ZFPM2: variants seen among roughly 807,000 people sequenced by gnomAD.
ZFPM2 encodes the protein zinc finger protein ZFPM2.
Under a neutral mutation model 98.6 loss-of-function variants are expected in ZFPM2, and 20 were observed. That is an observed-to-expected ratio of 0.20 (90% CI 0.14 to 0.29). ZFPM2 has a LOEUF of 0.29. ZFPM2 is among the 10% of genes least tolerant of loss of function. The pLI, the probability that ZFPM2 is intolerant of heterozygous loss-of-function variation, is 1.00. For synonymous variants in ZFPM2, 518 were observed against 502.7 expected, an observed-to-expected ratio of 1.03 and a Z score of -0.41; for missense variants, 1,310 against 1,388.6, an observed-to-expected ratio of 0.94 and a Z score of 0.90.
intron 4 of ZFPM2, among the ~76,000 whole-genome samples, chr8:105,590,206 A>G (rs1428787803): frequency 1.3e-5 from 2 of 152,124 alleles, no homozygotes; most frequent in Non-Finnish European, 1.5e-5. Context: ...TAAAGGGGCT[A>G]TTTTTATTTC....
intron 5 of ZFPM2, among the ~76,000 whole-genome samples, chr8:105,771,967 C>T (rs1731181842): frequency 1.3e-5 from 2 of 152,048 alleles, no homozygotes; most frequent in Non-Finnish European, 2.9e-5. Context: ...TATGGAGTAA[C>T]TATATTGTGC....
intron 3 of ZFPM2, among the ~76,000 whole-genome samples, chr8:105,445,585 G>A (rs1812351062): frequency 6.6e-6 from 1 of 151,424 alleles, no homozygotes; most frequent in Non-Finnish European, 1.5e-5. Flanking sequence ...TAAAAACAGT[G>A]AGTGAACTTT....
At chr8:105,628,305 G>A (rs1816695730) in intron 4 of ZFPM2, among the ~76,000 whole-genome samples, 1 of 152,170 alleles carries the variant, frequency 6.6e-6, no homozygotes, top group Non-Finnish European at 1.5e-5. Flanking sequence ...AGGATATGAT[G>A]TATCTGATTT....
chr8:105,608,249 A>G (rs548653258), intron 4 of ZFPM2, among the ~76,000 whole-genome samples: 1 of 152,108 alleles, frequency 6.6e-6, no homozygotes, highest in Non-Finnish European at 1.5e-5. Flanking sequence ...TAACTGGGTG[A>G]TGAAATAAGC....
chr8:105,414,963 T>A, intron 1 of ZFPM2: 1 of 152,088 alleles, frequency 6.6e-6, no homozygotes, highest in East Asian at 1.9e-4. Flanking sequence ...ACTGACTAGA[T>A]GAAAAGCTTC....
At chr8:105,592,626 T>A (rs945752290) in intron 4 of ZFPM2, among the ~76,000 whole-genome samples, 5 of 152,138 alleles carry the variant, frequency 3.3e-5, no homozygotes, top group Admixed American at 3.3e-4. Flanking sequence ...TTAATATATA[T>A]AATATATGCA....
intron 3 of ZFPM2, among the ~76,000 whole-genome samples, chr8:105,485,802 T>C (rs1813220190): frequency 6.6e-6 from 1 of 152,002 alleles, no homozygotes; most frequent in Admixed American, 6.5e-5. Context: ...TAAGGAAGGA[T>C]AGGGTAAGAG....
intron 2 of ZFPM2, among the ~76,000 whole-genome samples, chr8:105,437,521 G>C (rs906757829): frequency 6.6e-6 from 1 of 152,154 alleles, no homozygotes; most frequent in Non-Finnish European, 1.5e-5. Flanking sequence ...GGATGAGAAT[G>C]ATCAGGGGTA....
intron 6 of ZFPM2, chr8:105,789,151 T>C: frequency 8.0e-6 from 3 of 373,272 alleles, no homozygotes; most frequent in East Asian, 8.8e-5. Flanking sequence ...TAGTTACATA[T>C]GTATACATGT....
intron 5 of ZFPM2, among the ~76,000 whole-genome samples, chr8:105,760,796 A>T (rs183844827): frequency 2.6e-5 from 4 of 152,160 alleles, no homozygotes; most frequent in Middle Eastern, 3.4e-3. Flanking sequence ...AAAACAAGTA[A>T]TGGGGTATAT....
chr8:105,759,075 G>T (rs966038836), intron 5 of ZFPM2, among the ~76,000 whole-genome samples: 6 of 152,086 alleles, frequency 3.9e-5, no homozygotes, highest in African/African-American at 1.4e-4. Flanking sequence ...ATAACAATGA[G>T]TAAGCTTAGG....
At chr8:105,630,451 A>AT (rs912020557) in intron 4 of ZFPM2, among the ~76,000 whole-genome samples, 2 of 152,160 alleles carry the variant, frequency 1.3e-5, no homozygotes, top group South Asian at 2.1e-4. Flanking sequence ...GTCCCTTGAG[A>AT]TTTTTTATCT....
chr8:105,708,978 A>T (rs772562471), intron 5 of ZFPM2, among the ~76,000 whole-genome samples: 4 of 152,166 alleles, frequency 2.6e-5, no homozygotes, highest in Admixed American at 6.6e-5. Context: ...GTAGGAACAT[A>T]TTTAAATTAG....
chr8:105,523,978 C>CA (rs531118905), intron 3 of ZFPM2, among the ~76,000 whole-genome samples: 311 of 152,264 alleles, frequency 2.0e-3, no homozygotes, highest in Non-Finnish European at 3.9e-3. Flanking sequence ...GCTCCCTGAG[C>CA]AAGTCTCTAA....
At chr8:105,400,757 C>T (rs2129981320) in intron 1 of ZFPM2, among the ~76,000 whole-genome samples, 1 of 152,078 alleles carries the variant, frequency 6.6e-6, no homozygotes, top group South Asian at 2.1e-4. Flanking sequence ...AGGGTAGCCA[C>T]TAGTCACATA....
rs1486699387 is a variant in ZFPM2, at chr8:105,494,365, A to C, written c.301+49984A>C. 2.0e-5 allele frequency among the ~76,000 whole-genome samples: 3 copies of C among 149,778 alleles called. No individual in the cohort carries two copies. The South Asian group carries it at 6.4e-4, about 32-fold the overall frequency. On this transcript the variant is annotated intron_variant, in intron 3 of 7. Transcript: ENST00000407775. ...GCTTAAGACCCAGGTGTCATCCTCGACTCTTGGGTACCTCCCACACCTAAT... is the reference window on the plus strand; with the variant it reads ...GCTTAAGACCCAGGTGTCATCCTCGCCTCTTGGGTACCTCCCACACCTAAT...
chr8:105,423,248 C>T (rs1432628564), intron 2 of ZFPM2, among the ~76,000 whole-genome samples: 1 of 151,976 alleles, frequency 6.6e-6, no homozygotes, highest in Non-Finnish European at 1.5e-5. Context: ...TCAGAGATAC[C>T]CTTGTTATAG....
chr8:105,415,097 C>G (rs188884171), intron 1 of ZFPM2: 1 of 152,222 alleles, frequency 6.6e-6, no homozygotes, highest in East Asian at 1.9e-4. Context: ...CCTGAGTACA[C>G]AATTGCCTCT....
intron 1 of ZFPM2, among the ~76,000 whole-genome samples, chr8:105,386,674 G>A (rs554063502): frequency 6.6e-6 from 1 of 152,250 alleles, no homozygotes; most frequent in East Asian, 1.9e-4. Flanking sequence ...CAATGTGGAA[G>A]GGGACCCCAG....
Sources: allele counts gnomAD v4.1 joint callset (sites outside exome capture counted in the v4.1 genomes callset), GRCh38; gene constraint gnomAD v4.1.1; transcripts MANE v1.5; gene names NCBI Gene and HGNC (gene_info 2026-07-23, HGNC 2026-07-21).